The following SENP7 variants were observed in gnomAD, a reference collection of about 807,000 sequenced individuals.
SENP7 encodes the protein SUMO specific peptidase 7.
Under a neutral mutation model 141.2 loss-of-function variants are expected in SENP7, and 64 were observed. The ratio of observed to expected loss-of-function variants is 0.45; its 90% CI spans 0.37 to 0.56. The LOEUF (loss-of-function observed/expected upper bound fraction) is 0.56, where lower values mean the gene tolerates loss of function less well. Ranked by LOEUF, SENP7 falls within the 20% of genes least tolerant of loss-of-function variation. SENP7 has a pLI of 0.00. For missense variants in SENP7, 1,025 were observed against 1,212.2 expected, an observed-to-expected ratio of 0.85 and a Z score of 2.29; for synonymous variants, 382 against 426.4, an observed-to-expected ratio of 0.90 and a Z score of 1.28.
At chr3:101,510,204 G>A (rs911126740) in intron 1 of SENP7, among the ~76,000 whole-genome samples, 4 of 152,176 alleles carry the variant, frequency 2.6e-5, no homozygotes, top group African/African-American at 9.7e-5. Flanking sequence ...CAACTTCAGT[G>A]AACCTGTCTC....
chr3:101,395,811 G>A (rs2060952265), intron 6 of SENP7, among the ~76,000 whole-genome samples: 1 of 152,238 alleles, frequency 6.6e-6, no homozygotes, highest in African/African-American at 2.4e-5. Flanking sequence ...CACCCTCATT[G>A]TAGAAGATTT....
At chr3:101,336,478 G>A (rs1425204762) in intron 17 of SENP7, among the ~76,000 whole-genome samples, 1 of 152,166 alleles carries the variant, frequency 6.6e-6, no homozygotes, top group African/African-American at 2.4e-5. Context: ...CCACTCACTA[G>A]CTGTTCATCT....
Position 101,398,892 on chromosome 3 carries a change from T to A in SENP7, c.646A>T (p.Asn216Tyr). 6.2e-7 allele frequency: 1 copy of A among 1,609,766 alleles called. No individual in the cohort carries two copies. Among genetic ancestry groups the A allele is most frequent in the Non-Finnish European group, 8.5e-7 (1 of 1,177,614 alleles). The change falls in exon 6 of 24, where the codon AAC (asparagine) becomes TAC (tyrosine). Residue 216 changes from asparagine to tyrosine, a missense_variant. Asn to Tyr is a moderately radical substitution (Grantham distance 143). Coordinates refer to ENST00000394095, the MANE Select transcript of SENP7 (RefSeq NM_020654.5). The stretch of plus-strand genomic sequence containing the variant: ...GATAAATAACAGCTCTTGTGAGGGT[T>A]TAGATTTTGATAAGATTCTAGGCTG... ...DGSLESYQNLNPHKSCYLSER... is the reference protein window; with the variant it reads ...DGSLESYQNLYPHKSCYLSER...
At chr3:101,484,917 G>A (rs1451402856) in intron 3 of SENP7, among the ~76,000 whole-genome samples, 1 of 152,026 alleles carries the variant, frequency 6.6e-6, no homozygotes, top group East Asian at 1.9e-4. Flanking sequence ...ACTGTTGAGG[G>A]GAGCACAGTG....
chr3:101,504,250 G>A (rs1020166208), intron 1 of SENP7, among the ~76,000 whole-genome samples: 3 of 150,836 alleles, frequency 2.0e-5, no homozygotes, highest in Non-Finnish European at 4.4e-5. Context: ...TCAGGAGTTC[G>A]AGACCAGCCT....
intron 17 of SENP7, among the ~76,000 whole-genome samples, chr3:101,334,587 A>G (rs992530433): frequency 1.3e-5 from 2 of 152,234 alleles, no homozygotes; most frequent in African/African-American, 4.8e-5. Context: ...CAGCAATTAG[A>G]CACTATGTGG....
chr3:101,341,871 T>A, intron 14 of SENP7, 92 bp from the exon 15 acceptor site: 2 of 1,308,834 alleles, frequency 1.5e-6, no homozygotes, highest in Non-Finnish European at 2.1e-6. Flanking sequence ...AAATGTGACT[T>A]TAAAAATCCC....
intron 3 of SENP7, among the ~76,000 whole-genome samples, chr3:101,461,414 G>C (rs2063541927): frequency 6.6e-6 from 1 of 151,824 alleles, no homozygotes; most frequent in Non-Finnish European, 1.5e-5. Context: ...AAAAATGCAA[G>C]TCAAAACCAC....
chr3:101,413,496 A>C (rs1037867727), intron 5 of SENP7, among the ~76,000 whole-genome samples: 11 of 152,204 alleles, frequency 7.2e-5, no homozygotes. Flanking sequence ...TTATCCAGCA[A>C]ACATTAATTG....
chr3:101,417,871 G>T, intron 4 of SENP7, 81 bp from the exon 5 acceptor site: 1 of 1,146,360 alleles, frequency 8.7e-7, no homozygotes. Context: ...AATATCTCCA[G>T]AAACTGTAAA....
At position 101,469,829 on chromosome 3, in the gene SENP7, T is replaced by C. The variant is rs1323969377; in HGVS notation, c.187-10777A>G. ...CTGGGCGACAGAGCAAGACTCCGTC[T>C]CAAAAAAAAAAAAAAAAAAAAAAGA... On this transcript the variant is annotated intron_variant, in intron 3 of 23. Transcript: ENST00000394095. Among the ~76,000 whole-genome samples the C allele has an allele frequency of 3.5e-4, 4 of 11,346 alleles. 1 individual carries two copies. The highest frequency in any genetic ancestry group is 6.3e-4 in the Non-Finnish European group (4 of 6,350). The allele number at this position is 11,346 out of a possible 152,430, so 7.4% of individuals were successfully genotyped here. A position where few individuals can be genotyped will look rare whatever the true frequency, so the allele number is the denominator to read the frequency against.
chr3:101,437,153 TG>T (rs748626612), intron 4 of SENP7, among the ~76,000 whole-genome samples: 11 of 152,196 alleles, frequency 7.2e-5, no homozygotes, highest in Non-Finnish European at 1.3e-4. Context: ...CACTTATTTG[TG>T]GGATCTAAAA....
In SENP7 at chr3:101,388,638, A is replaced by G. The variant is rs1004906731; in HGVS notation, c.677+10223T>C. 4.6e-4 allele frequency among the ~76,000 whole-genome samples: 70 copies of G among 152,242 alleles called. 2 individuals are homozygous for G. Among genetic ancestry groups the G allele is most frequent in the Non-Finnish European group, 1.3e-4 (9 of 68,046 alleles). On this transcript the variant is annotated intron_variant, in intron 6 of 23. Transcript: ENST00000394095. ...GAATATAATAATTCTCCAATAACATATTTCAATGAAAAGGAAATCCATAAA... is the reference window on the plus strand; with the variant it reads ...GAATATAATAATTCTCCAATAACATGTTTCAATGAAAAGGAAATCCATAAA...
intron 6 of SENP7, among the ~76,000 whole-genome samples, chr3:101,385,203 T>C (rs1025872063): frequency 6.6e-6 from 1 of 152,072 alleles, no homozygotes; most frequent in African/African-American, 2.4e-5. Context: ...TACTGAAGCA[T>C]TGACATATAG....
chr3:101,444,460 T>C (rs1484290851), intron 4 of SENP7, among the ~76,000 whole-genome samples: 6 of 151,944 alleles, frequency 3.9e-5, no homozygotes, highest in African/African-American at 7.3e-5. Flanking sequence ...TATTGCGGCA[T>C]TATTCACAAT....
intron 1 of SENP7, among the ~76,000 whole-genome samples, chr3:101,501,737 T>G (rs1005400290): frequency 6.6e-6 from 1 of 152,028 alleles, no homozygotes; most frequent in Non-Finnish European, 1.5e-5. Flanking sequence ...GTGGGCAAAT[T>G]AGGCAGTACA....
chr3:101,369,806 A>T (rs2107418993), intron 7 of SENP7, among the ~76,000 whole-genome samples: 1 of 152,334 alleles, frequency 6.6e-6, no homozygotes, highest in Non-Finnish European at 1.5e-5. Context: ...ATTATATAGA[A>T]TGAAATATTG....
At position 101,501,905 on chromosome 3, in the gene SENP7, A is replaced by C. The variant is rs1056731855; in HGVS notation, c.41-786T>G. Among the ~76,000 whole-genome samples, 9 of 152,240 alleles carry C rather than the reference A, an allele frequency of 5.9e-5. No homozygotes were observed. The East Asian group carries it at 1.3e-3, about 23-fold the overall frequency. ...CCATAGGAAAGGGATGATTTTCAAA[A>C]TGATGCTGAGGCAATCTGATAACCA... is the stretch of plus-strand genomic sequence containing the variant. On this transcript the variant is annotated intron_variant, in intron 1 of 23. Coordinates refer to ENST00000394095, the MANE Select transcript of SENP7 (RefSeq NM_020654.5).
chr3:101,372,080 T>G lies in SENP7; in HGVS notation c.724A>C (p.Thr242Pro). The G allele has an allele frequency of 6.4e-7, 1 of 1,570,352 alleles. No homozygotes were observed. Among genetic ancestry groups the G allele is most frequent in the Non-Finnish European group, 8.7e-7 (1 of 1,151,456 alleles). Reference protein sequence around the residue: ...KTVDDNSAKQTAHNKEKRRKD... With the variant: ...KTVDDNSAKQPAHNKEKRRKD... ...CTTCGTTTTTCTTTATTGTGCGCAG[T>G]CTGCTTTGCAGAATTGTCATCTACT... Residue 242 changes from threonine (T) to proline (P), a missense_variant, in exon 7 of 24, where the codon ACT becomes CCT. Thr to Pro is a conservative substitution (Grantham distance 38). Transcript: ENST00000394095.
Sources: allele counts gnomAD v4.1 joint callset (sites outside exome capture counted in the v4.1 genomes callset), GRCh38; gene constraint gnomAD v4.1.1; transcripts MANE v1.5; gene names NCBI Gene and HGNC (gene_info 2026-07-23, HGNC 2026-07-21).